Variants in AGBL4 observed in about 807,000 individuals in gnomAD.
The protein encoded by AGBL4 is AGBL carboxypeptidase 4, also known as cytosolic carboxypeptidase 6.
Under a neutral mutation model 66.4 loss-of-function variants are expected in AGBL4, and 58 were observed. The observed-to-expected ratio is 0.87, with a 90% CI of 0.71 to 1.09. The LOEUF (loss-of-function observed/expected upper bound fraction) is 1.09, where lower values mean the gene tolerates loss of function less well. Among genes scored for constraint, AGBL4 ranks in the 50% least tolerant of loss-of-function variants. AGBL4 has a pLI of 0.00. For synonymous variants in AGBL4, 234 were observed against 222.9 expected (o/e 1.05, Z -0.44); for missense variants, 579 against 631.0 (o/e 0.92, Z 0.88).
chr1:49,819,859 C>T (rs1307695779), intron 2 of AGBL4, among the ~76,000 whole-genome samples: 1 of 152,074 alleles, frequency 6.6e-6, no homozygotes, highest in African/African-American at 2.4e-5. Flanking sequence ...CCATTGGAAG[C>T]AGAGAAGGGA....
In AGBL4 at chr1:49,697,366, G is replaced by C; in HGVS notation, c.229C>G (p.Pro77Ala). ...AAGTTGAACCAGACTCGGAAGCGTG[G>C]ATTACAGGTGTCCGGCCTAATGAAC... ...DLFIRPDTCN[P>A]RFRVWFNFTV... The change falls in exon 3 of 14, where the codon CCA becomes GCA. Residue 77 changes from proline (P) to alanine (A), a missense_variant. By Grantham distance (27) the Pro-to-Ala change is conservative (BLOSUM62 -1). Transcript: ENST00000371839. 1 of 1,548,610 alleles carries C rather than the reference G, an allele frequency of 6.5e-7. No homozygotes were observed. The highest frequency in any genetic ancestry group is 8.7e-7 in the Non-Finnish European group (1 of 1,144,728).
chr1:48,525,937 G>A, the AGBL4 span, among the ~76,000 whole-genome samples: 111 of 152,268 alleles, frequency 7.3e-4, 1 homozygote, highest in African/African-American at 2.6e-3. Flanking sequence ...GGAGCTGGGC[G>A]TCCTTTGCAC....
intron 3 of AGBL4, among the ~76,000 whole-genome samples, chr1:49,418,498 G>A (rs1645476462): frequency 6.6e-6 from 1 of 152,290 alleles, no homozygotes; most frequent in South Asian, 2.1e-4. Flanking sequence ...AATAAAATGT[G>A]CTATGAATGG....
At chr1:49,142,075 G>A (rs1167574316) in intron 4 of AGBL4, among the ~76,000 whole-genome samples, 2 of 152,098 alleles carry the variant, frequency 1.3e-5, no homozygotes, top group Non-Finnish European at 1.5e-5. Flanking sequence ...TCTCATAGGA[G>A]TGAGAACCCT....
chr1:48,652,709 G>A (rs1258963072), intron 8 of AGBL4, among the ~76,000 whole-genome samples: 1 of 152,108 alleles, frequency 6.6e-6, no homozygotes, highest in Non-Finnish European at 1.5e-5. Context: ...ATGAGTCGGT[G>A]TTTTTTTGGC....
At chr1:49,097,563 G>A (rs1010929898) in intron 4 of AGBL4, among the ~76,000 whole-genome samples, 2 of 152,338 alleles carry the variant, frequency 1.3e-5, no homozygotes. Context: ...GAAAAGACTA[G>A]AAAGACTTTG....
intron 3 of AGBL4, among the ~76,000 whole-genome samples, chr1:49,654,310 C>A (rs1045562566): frequency 2.6e-5 from 4 of 152,256 alleles, no homozygotes; most frequent in East Asian, 1.9e-4. Flanking sequence ...AATTTCTGTT[C>A]TTTTACATTT....
intron 6 of AGBL4, among the ~76,000 whole-genome samples, chr1:48,679,414 GC>G (rs1646419223): frequency 6.6e-6 from 1 of 152,154 alleles, no homozygotes; most frequent in Non-Finnish European, 1.5e-5. Context: ...TGCCTGACAG[GC>G]CTAGGACGAT....
chr1:49,949,722 A>T (rs1303426719), intron 1 of AGBL4, among the ~76,000 whole-genome samples: 1 of 151,502 alleles, frequency 6.6e-6, no homozygotes, highest in African/African-American at 2.4e-5. Context: ...GTGTGGATGC[A>T]GTGAACAGGG....
At chr1:49,775,148 A>G (rs1356785222) in intron 2 of AGBL4, among the ~76,000 whole-genome samples, 1 of 152,188 alleles carries the variant, frequency 6.6e-6, no homozygotes, top group East Asian at 1.9e-4. Context: ...GCAATATCAT[A>G]TAATGTTTAA....
chr1:49,665,886 C>T (rs1371660137), intron 3 of AGBL4, among the ~76,000 whole-genome samples: 1 of 149,684 alleles, frequency 6.7e-6, no homozygotes, highest in African/African-American at 2.5e-5. Flanking sequence ...CAGGTGCCTA[C>T]AGTAGTCAAT....
chr1:49,569,512 A>C (rs950455211), intron 3 of AGBL4, among the ~76,000 whole-genome samples: 1 of 152,084 alleles, frequency 6.6e-6, no homozygotes, highest in African/African-American at 2.4e-5. Context: ...TTACACACAA[A>C]AATAAAAAAT....
At chr1:48,578,116 T>C (rs1372579480) in intron 11 of AGBL4, among the ~76,000 whole-genome samples, 3 of 152,082 alleles carry the variant, frequency 2.0e-5, no homozygotes, top group Non-Finnish European at 4.4e-5. Flanking sequence ...TATCTGGAAA[T>C]AAACTTAAAG....
intron 2 of AGBL4, among the ~76,000 whole-genome samples, chr1:49,837,323 A>G (rs567460421): frequency 3.9e-5 from 6 of 152,330 alleles, no homozygotes; most frequent in Admixed American, 1.3e-4. Context: ...GGCTCCAACC[A>G]GTTCAAACTT....
chr1:48,827,181 G>A (rs1015177543), intron 6 of AGBL4, among the ~76,000 whole-genome samples: 3 of 152,172 alleles, frequency 2.0e-5, no homozygotes, highest in African/African-American at 7.2e-5. Context: ...AAAGTCTGCA[G>A]TATTTGAATT....
chr1:48,973,348 C>T (rs1659065032), intron 5 of AGBL4, among the ~76,000 whole-genome samples: 1 of 152,154 alleles, frequency 6.6e-6, no homozygotes, highest in Admixed American at 6.6e-5. Flanking sequence ...AATTGCTCTA[C>T]TGCAGCCTCT....
chr1:49,653,515 A>C (rs1307981933), intron 3 of AGBL4, among the ~76,000 whole-genome samples: 1 of 152,026 alleles, frequency 6.6e-6, no homozygotes, highest in Non-Finnish European at 1.5e-5. Flanking sequence ...GGTAATAACA[A>C]ACTTTACTAG....
At chr1:49,329,567 G>A (rs570281981) in intron 3 of AGBL4, among the ~76,000 whole-genome samples, 3 of 152,194 alleles carry the variant, frequency 2.0e-5, no homozygotes, top group African/African-American at 7.2e-5. Flanking sequence ...TCAGGAGGCT[G>A]AGGCATGAGA....
At chr1:48,548,581 T>C (rs1436268349) in intron 11 of AGBL4, among the ~76,000 whole-genome samples, 5 of 152,200 alleles carry the variant, frequency 3.3e-5, no homozygotes, top group African/African-American at 1.2e-4. Flanking sequence ...TCCTCCCGCC[T>C]GGCCTGCGGC....
Sources: allele counts gnomAD v4.1 joint callset (sites outside exome capture counted in the v4.1 genomes callset), GRCh38; gene constraint gnomAD v4.1.1; transcripts MANE v1.5; gene names NCBI Gene and HGNC (gene_info 2026-07-23, HGNC 2026-07-21).